PREX1: variants seen among roughly 807,000 people sequenced by gnomAD.
PREX1 encodes phosphatidylinositol 3,4,5-trisphosphate-dependent Rac exchanger 1 protein.
A neutral mutation model predicts 198.3 loss-of-function variants in PREX1; 41 were observed. That is an observed-to-expected ratio of 0.21 (90% confidence interval 0.16 to 0.27). The LOEUF (loss-of-function observed/expected upper bound fraction) is 0.27, where lower values mean the gene tolerates loss of function less well. PREX1 is among the 10% of genes least tolerant of loss of function. The probability of loss-of-function intolerance (pLI) is 1.00; values close to 1 mark genes in which losing one functional copy is unlikely to be tolerated. For missense variants in PREX1, 1,620 were observed against 2,200.7 expected, an observed-to-expected ratio of 0.74 and a Z score of 5.28; for synonymous variants, 843 against 887.2, an observed-to-expected ratio of 0.95 and a Z score of 0.89.
Position 48,627,605 on chromosome 20 carries a change from A to C in PREX1, c.4880T>G (p.Val1627Gly), listed in dbSNP as rs1601023508. The C allele has an allele frequency of 6.2e-7, 1 of 1,602,180 alleles. No individual in the cohort carries two copies. Among genetic ancestry groups the C allele is most frequent in the Non-Finnish European group, 8.5e-7 (1 of 1,177,776 alleles). The change falls in exon 39 of 40, where the codon GTG (valine) becomes GGG (glycine). Residue 1627 changes from valine to glycine, a missense_variant. By Grantham distance (109) the Val-to-Gly change is moderately radical. Coordinates refer to ENST00000371941, the MANE Select transcript of PREX1 (RefSeq NM_020820.4). ...TCGCAGGTTTTTGGCCAGAATCTCC[A>C]CCCTTGGGCCCTGGAAGAAGGAACC... ...TDIMRKQGPR[V>G]EILAKNLRVK...
At chr20:48,746,785 G>A (rs1431154088) in intron 2 of PREX1, among the ~76,000 whole-genome samples, 2 of 152,020 alleles carry the variant, frequency 1.3e-5, no homozygotes, top group African/African-American at 4.8e-5. Flanking sequence ...TTTATAAACT[G>A]TAATAAGTCG....
rs942037879 is a variant in PREX1, at chr20:48,827,324, C to T, written c.219+318G>A. ...TCCCGGCGCCGCCGGGGTCCCCAAGCCCCTGCATCGCGGATGTAACTAATT... is the reference window on the plus strand; with the variant it reads ...TCCCGGCGCCGCCGGGGTCCCCAAGTCCCTGCATCGCGGATGTAACTAATT... On this transcript the variant is annotated intron_variant, in intron 1 of 39. Transcript: ENST00000371941. This position sits in a 1 kb window ranked among gnomAD's most constrained non-coding sequence, Gnocchi z 4.1. 2.0e-5 allele frequency among the ~76,000 whole-genome samples: 3 copies of T among 152,186 alleles called. No homozygotes were observed. The highest frequency in any genetic ancestry group is 7.2e-5 in the African/African-American group (3 of 41,448).
At chr20:48,734,821 A>G (rs936781986) in intron 3 of PREX1, among the ~76,000 whole-genome samples, 171 bp from the exon 4 acceptor site, 1 of 152,146 alleles carries the variant, frequency 6.6e-6, no homozygotes, top group Non-Finnish European at 1.5e-5. Context: ...CCAGCTTCCC[A>G]GCCTCCACTC....
At chr20:48,753,988 G>A (rs1178108027) in intron 1 of PREX1, among the ~76,000 whole-genome samples, 2 of 152,208 alleles carry the variant, frequency 1.3e-5, no homozygotes, top group African/African-American at 4.8e-5. Flanking sequence ...CCTCAGGGCA[G>A]AAGTCAATTT....
intron 5 of PREX1, among the ~76,000 whole-genome samples, chr20:48,723,155 G>A (rs933237410): frequency 1.3e-5 from 2 of 152,188 alleles, no homozygotes; most frequent in African/African-American, 4.8e-5. Flanking sequence ...TTTCATTCTC[G>A]CCTCTTCCCT....
In PREX1 at chr20:48,827,877, G is replaced by A. The variant is rs1600539978; in HGVS notation, c.-17C>T. 7.2e-6 allele frequency: 7 copies of A among 972,376 alleles called. No homozygotes were observed. Among genetic ancestry groups the A allele is most frequent in the Admixed American group, 6.3e-5 (1 of 15,800 alleles). 60.2% of individuals were successfully genotyped at this position (972,376 alleles called of 1,614,324 possible). A position where few individuals can be genotyped will look rare whatever the true frequency, so the allele number is the denominator to read the frequency against. On this transcript the variant is annotated 5_prime_UTR_variant, in exon 1 of 40. Transcript: ENST00000371941. The surrounding 1 kb of genome is among the most constrained non-coding windows in gnomAD (Gnocchi z 4.1). ...CGCCTCCATTCTAGCGCGGCCGCGCGGCGCCGGCTCCTTCCGTCGCGCCGA... is the reference window on the plus strand; with the variant it reads ...CGCCTCCATTCTAGCGCGGCCGCGCAGCGCCGGCTCCTTCCGTCGCGCCGA...
chr20:48,827,507 C>G lies in PREX1; in HGVS notation c.219+135G>C, dbSNP rs1348893027. On this transcript the variant is annotated intron_variant, in intron 1 of 39. Coordinates refer to ENST00000371941, the MANE Select transcript of PREX1 (RefSeq NM_020820.4). This position sits in a 1 kb window ranked among gnomAD's most constrained non-coding sequence, Gnocchi z 4.1. ...GCTCTGGAGGAGCTCGGATCCCCCCCGCTTTCCGCGCGCCCTGCGGGGCGC... is the reference window on the plus strand; with the variant it reads ...GCTCTGGAGGAGCTCGGATCCCCCCGGCTTTCCGCGCGCCCTGCGGGGCGC... The G allele has an allele frequency of 9.7e-6, 6 of 616,106 alleles. No individual in the cohort carries two copies. The highest frequency in any genetic ancestry group is 9.7e-5 in the Admixed American group (2 of 20,712). 38.2% of individuals were successfully genotyped at this position (616,106 alleles called of 1,614,324 possible).
At position 48,825,711 on chromosome 20, in the gene PREX1, C is replaced by T. The variant is rs545343631; in HGVS notation, c.219+1931G>A. Among the ~76,000 whole-genome samples the T allele has an allele frequency of 4.1e-4, 63 of 151,870 alleles. 1 individual carries two copies. The South Asian group carries it at 0.012, about 29-fold the overall frequency. ...TTAATATCAAAATTGGTTTGTATTTCCTGTTTCTCTTCCAAGCAGAGGAGC... is the reference window on the plus strand; with the variant it reads ...TTAATATCAAAATTGGTTTGTATTTTCTGTTTCTCTTCCAAGCAGAGGAGC... On this transcript the variant is annotated intron_variant, in intron 1 of 39. Coordinates refer to ENST00000371941, the MANE Select transcript of PREX1 (RefSeq NM_020820.4).
chr20:48,818,135 G>C (rs568197605), intron 1 of PREX1, among the ~76,000 whole-genome samples: 22 of 152,316 alleles, frequency 1.4e-4, no homozygotes, highest in African/African-American at 4.8e-4. Context: ...CAGCACAGGT[G>C]CAAGGGCCCT....
At chr20:48,861,228 G>C in the PREX1 span, among the ~76,000 whole-genome samples, 1 of 152,164 alleles carries the variant, frequency 6.6e-6, no homozygotes, top group African/African-American at 2.4e-5. Context: ...GAGAGAAATG[G>C]AGCTGGAGTT....
At chr20:48,797,275 A>C (rs2122995534) in intron 1 of PREX1, among the ~76,000 whole-genome samples, 1 of 152,068 alleles carries the variant, frequency 6.6e-6, no homozygotes, top group African/African-American at 2.4e-5. Flanking sequence ...ATGGGAATCA[A>C]GCTGGCCTTT....
At chr20:48,856,964 C>T in the PREX1 span, among the ~76,000 whole-genome samples, 9 of 152,288 alleles carry the variant, frequency 5.9e-5, no homozygotes, top group East Asian at 3.9e-4. Context: ...CTCAGCCTCC[C>T]GAGTAGCTGG....
chr20:48,681,566 G>A (rs894108268), intron 10 of PREX1, among the ~76,000 whole-genome samples: 11 of 152,092 alleles, frequency 7.2e-5, no homozygotes, highest in African/African-American at 2.7e-4. Context: ...CAGGCTCACT[G>A]GATGGATGCA....
At chr20:48,732,221 T>C (rs1032655735) in intron 4 of PREX1, among the ~76,000 whole-genome samples, 1 of 152,184 alleles carries the variant, frequency 6.6e-6, no homozygotes, top group Non-Finnish European at 1.5e-5. Context: ...GAGACAAAGA[T>C]GGAAATCAGT....
rs2090038666 is a variant in PREX1, at chr20:48,732,476, G to C, written c.519+2070C>G. On this transcript the variant is annotated intron_variant, in intron 4 of 39. Transcript: ENST00000371941. ...CTTTTATATACTGAATTCGGTATGT[G>C]CTGTTGGGAAAACAAACAGTATGGG... Among the ~76,000 whole-genome samples the C allele has an allele frequency of 3.3e-5, 5 of 152,240 alleles. No individual in the cohort carries two copies. The South Asian group carries it at 1.0e-3, about 32-fold the overall frequency.
At chr20:48,692,866 A>G in intron 7 of PREX1, 76 bp from the exon 8 acceptor site, 1 of 1,229,896 alleles carries the variant, frequency 8.1e-7, no homozygotes, top group Non-Finnish European at 1.2e-6. Flanking sequence ...CGCAAAGGGG[A>G]ACACAACACT....
At chr20:48,778,349 A>G (rs1376047100) in intron 1 of PREX1, among the ~76,000 whole-genome samples, 2 of 151,818 alleles carry the variant, frequency 1.3e-5, no homozygotes, top group African/African-American at 2.4e-5. Context: ...CAAGGCGGGC[A>G]GATCACTTGA....
intron 1 of PREX1, among the ~76,000 whole-genome samples, chr20:48,770,880 G>A (rs1334930085): frequency 6.6e-6 from 1 of 152,102 alleles, no homozygotes; most frequent in Non-Finnish European, 1.5e-5. Flanking sequence ...CTGATTCCTG[G>A]GCCCTGAAGA....
At chr20:48,642,101 G>A in intron 29 of PREX1, 67 bp downstream of exon 29, 1 of 1,516,518 alleles carries the variant, frequency 6.6e-7, no homozygotes, top group Non-Finnish European at 9.1e-7. Context: ...CATTAGCCCG[G>A]GTACGCCGCC....
Sources: gnomAD v4.1 joint callset for allele counts (sites outside exome capture counted in the v4.1 genomes callset) on GRCh38, gnomAD v4.1.1 for gene constraint, Gnocchi (gnomAD v3.1) non-coding constraint, MANE v1.5 for transcripts, NCBI Gene and HGNC (gene_info 2026-07-23, HGNC 2026-07-21) for gene names.